The following BRDT variants were observed in gnomAD, a reference collection of about 807,000 sequenced individuals.
BRDT encodes the protein bromodomain testis associated, also known as bromodomain testis-specific protein.
A neutral mutation model predicts 113.9 loss-of-function variants in BRDT; 77 were observed. That is an observed-to-expected ratio of 0.68 (90% CI 0.56 to 0.82). The LOEUF (loss-of-function observed/expected upper bound fraction) is 0.82, where lower values mean the gene tolerates loss of function less well. Ranked by LOEUF, BRDT falls within the 40% of genes least tolerant of loss-of-function variation. BRDT has a pLI of 0.00. For synonymous variants in BRDT, 358 were observed against 366.5 expected, an observed-to-expected ratio of 0.98 and a Z score of 0.26; for missense variants, 1,027 against 1,105.4, an observed-to-expected ratio of 0.93 and a Z score of 1.01.
Position 91,977,344 on chromosome 1 carries a change from A to C in BRDT, c.920A>C (p.His307Pro). The change falls in exon 6 of 19, where the codon CAT (histidine) becomes CCT (proline). Residue 307 changes from histidine (H) to proline (P), a missense_variant. Physicochemically the swap from His to Pro is moderately conservative, Grantham distance 77. Coordinates refer to ENST00000399546, the MANE Select transcript of BRDT (RefSeq NM_207189.4). ...NPVDVNALGLHNYYDVVKNPM... is the reference protein window; with the variant it reads ...NPVDVNALGLPNYYDVVKNPM... ...GTTGACGTTAATGCTTTGGGACTCC[A>C]TAACTACTATGACGTTGTCAAAAAT... The C allele has an allele frequency of 1.2e-6, 2 of 1,612,494 alleles. No homozygotes were observed. The highest frequency in any genetic ancestry group is 1.7e-6 in the Non-Finnish European group (2 of 1,179,610).
In BRDT at chr1:92,005,167, A is replaced by C; in HGVS notation, c.2643A>C (p.Gln881His). The part of the protein sequence containing the change: ...LTVESFSNKI[Q>H]NKCSGEEQKE... The stretch of plus-strand genomic sequence containing the variant: ...TAGAATCTTTTTCAAATAAAATACA[A>C]AACAAGTGCTCTGGAGAAGAGCAGA... The change falls in exon 18 of 19, where the codon CAA becomes CAC. Residue 881 changes from glutamine (Q) to histidine (H), a missense_variant. Physicochemically the swap from Gln to His is conservative, Grantham distance 24 (BLOSUM62 0). Coordinates refer to ENST00000399546, the MANE Select transcript of BRDT (RefSeq NM_207189.4). The C allele has an allele frequency of 6.4e-7, 1 of 1,552,254 alleles. No individual in the cohort carries two copies.
chr1:91,984,062 T>G (rs994280828), intron 12 of BRDT, among the ~76,000 whole-genome samples: 20 of 152,238 alleles, frequency 1.3e-4, no homozygotes, highest in African/African-American at 4.8e-4. Context: ...TGTTAGTTGT[T>G]TATTTTTGAA....
chr1:91,988,834 A>T (rs1473987888), intron 12 of BRDT, among the ~76,000 whole-genome samples: 1 of 152,254 alleles, frequency 6.6e-6, no homozygotes, highest in Admixed American at 6.5e-5. Context: ...ATGAATAAGC[A>T]TATATATGTA....
In BRDT at chr1:92,007,906, T is replaced by C. The variant is rs192341526; in HGVS notation, c.2775+2607T>C. Among the ~76,000 whole-genome samples the C allele has an allele frequency of 2.0e-5, 3 of 152,294 alleles. No homozygotes were observed. The East Asian group carries it at 5.8e-4, about 29-fold the overall frequency. On this transcript the variant is annotated intron_variant, in intron 18 of 18. Transcript: ENST00000399546. ...ATTTATTTATTTATTTATTCATTCA[T>C]TCATTCATTCATTCATTCGTTTATT... is the stretch of plus-strand genomic sequence containing the variant.
chr1:91,965,209 C>A (rs1427827839), intron 3 of BRDT, among the ~76,000 whole-genome samples: 1 of 151,986 alleles, frequency 6.6e-6, no homozygotes, highest in South Asian at 2.1e-4. Flanking sequence ...CCACTGTGCC[C>A]GGCCAAGATC....
At chr1:91,969,214 A>G (rs1162747776) in intron 4 of BRDT, among the ~76,000 whole-genome samples, 1 of 152,036 alleles carries the variant, frequency 6.6e-6, no homozygotes, top group Non-Finnish European at 1.5e-5. Flanking sequence ...TGCTGGGATT[A>G]CAGGCGTGAG....
chr1:91,982,828 A>G (rs553181705), intron 12 of BRDT, among the ~76,000 whole-genome samples: 2 of 152,356 alleles, frequency 1.3e-5, no homozygotes, highest in African/African-American at 4.8e-5. Context: ...AAAATTTAAA[A>G]ATGTAGGGCT....
chr1:91,994,865 C>G (rs1275560107), intron 15 of BRDT, among the ~76,000 whole-genome samples: 3 of 37,686 alleles, frequency 8.0e-5, no homozygotes, highest in Non-Finnish European at 1.1e-4. Flanking sequence ...AAGACTCCGT[C>G]TCAAAAAAAA....
Position 91,977,357 on chromosome 1 carries a change from C to A in BRDT, c.933C>A (p.Asp311Glu). ...CTTTGGGACTCCATAACTACTATGA[C>A]GTTGTCAAAAATCCGATGGATCTTG... ...VNALGLHNYY[D>E]VVKNPMDLGT... Residue 311 changes from aspartate to glutamate, a missense_variant, in exon 6 of 19, where the codon GAC (aspartate) becomes GAA (glutamate). Asp to Glu is a conservative substitution (Grantham distance 45). Coordinates refer to ENST00000399546, the MANE Select transcript of BRDT (RefSeq NM_207189.4). 6.3e-7 allele frequency: 1 copy of A among 1,596,552 alleles called. No homozygotes were observed. Among genetic ancestry groups the A allele is most frequent in the South Asian group, 1.1e-5 (1 of 87,132 alleles).
chr1:91,996,288 G>A (rs1041647284), intron 15 of BRDT, among the ~76,000 whole-genome samples: 19 of 152,130 alleles, frequency 1.2e-4, no homozygotes, highest in African/African-American at 4.3e-4. Flanking sequence ...TCGCCCTGTT[G>A]CCCAGGCTGG....
At position 91,981,127 on chromosome 1, in the gene BRDT, T is replaced by C; in HGVS notation, c.1699T>C (p.Leu567=). ...ETLKASTLRE[L]EKYVSACLRK... ...ACTGAAAGCATCAACACTAAGAGAATTAGAAAAATATGTTTCGGCATGTCT... is the reference window on the plus strand; with the variant it reads ...ACTGAAAGCATCAACACTAAGAGAACTAGAAAAATATGTTTCGGCATGTCT... Residue 567 remains leucine (L), a synonymous_variant, in exon 10 of 19, where the codon TTA becomes CTA. Coordinates refer to ENST00000399546, the MANE Select transcript of BRDT (RefSeq NM_207189.4). 1.2e-6 allele frequency: 2 copies of C among 1,612,800 alleles called. No homozygotes were observed. The highest frequency in any genetic ancestry group is 1.7e-6 in the Non-Finnish European group (2 of 1,179,744).
At chr1:91,958,905 T>G (rs956624919) in intron 1 of BRDT, among the ~76,000 whole-genome samples, 1 of 151,858 alleles carries the variant, frequency 6.6e-6, no homozygotes, top group Non-Finnish European at 1.5e-5. Flanking sequence ...AAAAATGAGC[T>G]GGATATTGTG....
chr1:91,979,011 A>AAAAAAAAAAAAAC (rs1553189994), intron 7 of BRDT, among the ~76,000 whole-genome samples: 1 of 130,814 alleles, frequency 7.6e-6, no homozygotes, highest in Non-Finnish European at 1.6e-5. Context: ...AAAAAAAAAA[A>AAAAAAAAAAAAAC]AACAACAACA....
In BRDT at chr1:91,994,109, C is replaced by T. The variant is rs1686050350; in HGVS notation, c.2142C>T (p.Thr714=). The change falls in exon 15 of 19, where the codon ACC becomes ACT. Residue 714 remains threonine (T), a synonymous_variant. Coordinates refer to ENST00000399546, the MANE Select transcript of BRDT (RefSeq NM_207189.4). The part of the protein sequence containing the change: ...TQIGYCVQDT[T]SANTTLVHQT... Reference sequence around the variant, plus strand: ...TAGGATATTGTGTGCAAGACACAACCTCTGCCAATACTACCCTTGTTCATC... The same window carrying T: ...TAGGATATTGTGTGCAAGACACAACTTCTGCCAATACTACCCTTGTTCATC... 1 of 1,610,262 alleles carries T rather than the reference C, an allele frequency of 6.2e-7. No homozygotes were observed. Among genetic ancestry groups the T allele is most frequent in the South Asian group, 1.1e-5 (1 of 90,054 alleles).
intron 15 of BRDT, among the ~76,000 whole-genome samples, chr1:91,998,478 C>T (rs2101779136): frequency 6.6e-6 from 1 of 152,136 alleles, no homozygotes; most frequent in Non-Finnish European, 1.5e-5. Flanking sequence ...GCATGTATCC[C>T]AGAACTTAAA....
At chr1:91,996,021 G>A (rs530019220) in intron 15 of BRDT, among the ~76,000 whole-genome samples, 1 of 152,218 alleles carries the variant, frequency 6.6e-6, no homozygotes, top group Admixed American at 6.5e-5. Flanking sequence ...CCAGGAAGAA[G>A]AATAAACAAA....
chr1:91,963,008 A>G, intron 2 of BRDT, 62 bp downstream of exon 2: 1 of 1,298,798 alleles, frequency 7.7e-7, no homozygotes, highest in Non-Finnish European at 1.1e-6. Context: ...TTTCTGTAAG[A>G]CATAACTAGT....
intron 14 of BRDT, among the ~76,000 whole-genome samples, chr1:91,992,672 A>G (rs539684135): frequency 6.2e-4 from 94 of 152,116 alleles, no homozygotes; most frequent in Non-Finnish European, 1.0e-3. Flanking sequence ...AGTAGCTGAG[A>G]CCACAGGCAC....
In BRDT at chr1:91,981,607, C is replaced by T. The variant is rs760361714; in HGVS notation, c.1865-11C>T. 2.5e-6 allele frequency: 4 copies of T among 1,608,150 alleles called. No homozygotes were observed. The South Asian group carries it at 3.3e-5, about 13-fold the overall frequency. ...TCTTCTGGCATTTTAATATGTTTCTCTGTTTTGTAGCTGATAAAACGCAAC... is the reference window on the plus strand; with the variant it reads ...TCTTCTGGCATTTTAATATGTTTCTTTGTTTTGTAGCTGATAAAACGCAAC... On this transcript the variant is annotated splice_polypyrimidine_tract_variant and intron_variant, in intron 11 of 18. Transcript: ENST00000399546.
Sources: allele counts gnomAD v4.1 joint callset (sites outside exome capture counted in the v4.1 genomes callset), GRCh38; gene constraint gnomAD v4.1.1; transcripts MANE v1.5; gene names NCBI Gene and HGNC (gene_info 2026-07-23, HGNC 2026-07-21).